Variants in IL1RAPL1 observed in about 807,000 individuals in gnomAD.
IL1RAPL1 encodes interleukin-1 receptor accessory protein-like 1.
A neutral mutation model predicts 48.4 loss-of-function variants in IL1RAPL1; 3 were observed. The observed-to-expected ratio is 0.06, with a 90% CI of 0.03 to 0.16. The LOEUF (loss-of-function observed/expected upper bound fraction) is 0.16. IL1RAPL1 is among the 10% of genes least tolerant of loss of function. The probability of loss-of-function intolerance (pLI) is 1.00; values close to 1 mark genes in which losing one functional copy is unlikely to be tolerated. For synonymous variants in IL1RAPL1, 185 were observed against 187.7 expected (o/e 0.99, Z 0.12); for missense variants, 349 against 530.6 (o/e 0.66, Z 3.36).
intron 1 of IL1RAPL1, among the ~76,000 whole-genome samples, chrX:28,615,567 C>T (rs1250282344): frequency 2.7e-5 from 3 of 110,832 alleles, no homozygotes; most frequent in Non-Finnish European, 3.8e-5. Flanking sequence ...AAGCCATCAA[C>T]AGGCCCTTGT....
intron 5 of IL1RAPL1, among the ~76,000 whole-genome samples, chrX:29,401,962 T>C (rs1986178): frequency 0.38 from 41,439 of 108,592 alleles, 6,515 homozygotes; most frequent in Middle Eastern, 0.56. Context: ...GGTGCAATCT[T>C]GGCTCACTGC....
intron 6 of IL1RAPL1, among the ~76,000 whole-genome samples, chrX:29,751,128 A>G (rs761914691): frequency 9.0e-6 from 1 of 111,555 alleles, no homozygotes; most frequent in South Asian, 3.7e-4. Flanking sequence ...ATATACACAT[A>G]TGAAATATAA....
intron 6 of IL1RAPL1, among the ~76,000 whole-genome samples, chrX:29,858,261 A>C (rs1931513200): frequency 8.9e-6 from 1 of 111,765 alleles, no homozygotes; most frequent in African/African-American, 3.2e-5. Context: ...CACACAACAC[A>C]CAATACACCG....
intron 5 of IL1RAPL1, among the ~76,000 whole-genome samples, chrX:29,506,734 G>A (rs1170750454): frequency 9.2e-6 from 1 of 108,269 alleles, no homozygotes; most frequent in African/African-American, 3.4e-5. Flanking sequence ...TTTTTGCTGA[G>A]TTACAGAGTA....
chrX:29,479,913 G>T (rs1438060851), intron 5 of IL1RAPL1, among the ~76,000 whole-genome samples: 1 of 110,627 alleles, frequency 9.0e-6, no homozygotes, highest in Non-Finnish European at 1.9e-5. Flanking sequence ...TTATTCACTC[G>T]CTGGCCCATG....
intron 5 of IL1RAPL1, among the ~76,000 whole-genome samples, chrX:29,613,188 T>C (rs1162061911): frequency 8.9e-6 from 1 of 112,484 alleles, no homozygotes; most frequent in African/African-American, 3.2e-5. Flanking sequence ...AAGAAACAGG[T>C]GAAATTAATT....
At chrX:29,807,181 TATTAA>T (rs1486210179) in intron 6 of IL1RAPL1, among the ~76,000 whole-genome samples, 3 of 110,201 alleles carry the variant, frequency 2.7e-5, no homozygotes, top group Non-Finnish European at 5.7e-5. Flanking sequence ...TAAATACATA[TATTAA>T]ATTATATATA....
chrX:29,494,809 T>C (rs1460628666), intron 5 of IL1RAPL1, among the ~76,000 whole-genome samples: 1 of 112,464 alleles, frequency 8.9e-6, no homozygotes, highest in African/African-American at 3.2e-5. Flanking sequence ...TTCATTTTGT[T>C]GATTAACTTC....
intron 6 of IL1RAPL1, among the ~76,000 whole-genome samples, chrX:29,744,075 G>A (rs1215718253): frequency 3.6e-5 from 4 of 112,085 alleles, no homozygotes; most frequent in Non-Finnish European, 5.6e-5. Context: ...TTGTTGTTCA[G>A]CATTATTGAT....
chrX:29,528,858 G>T (rs895390310), intron 5 of IL1RAPL1, among the ~76,000 whole-genome samples: 1 of 111,686 alleles, frequency 9.0e-6, no homozygotes, highest in African/African-American at 3.3e-5. Context: ...CAGGGTTTAT[G>T]TACAAAGGCA....
intron 1 of IL1RAPL1, among the ~76,000 whole-genome samples, chrX:28,786,223 G>A (rs1257652952): frequency 9.0e-6 from 1 of 111,635 alleles, no homozygotes; most frequent in Admixed American, 9.5e-5. Context: ...TCAGCACTTT[G>A]GGAGGCCAAG....
intron 2 of IL1RAPL1, among the ~76,000 whole-genome samples, chrX:29,252,211 C>T (rs1051174124): frequency 6.4e-5 from 7 of 109,574 alleles, no homozygotes; most frequent in Non-Finnish European, 1.3e-4. Context: ...CACATGTATA[C>T]ATATGTAACT....
At chrX:29,194,414 A>C (rs1930405940) in intron 2 of IL1RAPL1, among the ~76,000 whole-genome samples, 2 of 112,698 alleles carry the variant, frequency 1.8e-5, no homozygotes, top group African/African-American at 6.4e-5. Flanking sequence ...GGGCTATCTA[A>C]AGCAAATAGG....
At chrX:28,952,350 T>A (rs1924492567) in intron 2 of IL1RAPL1, among the ~76,000 whole-genome samples, 1 of 111,318 alleles carries the variant, frequency 9.0e-6, no homozygotes, top group South Asian at 3.7e-4. Flanking sequence ...GTTATGTTTA[T>A]AAATTGTAGG....
intron 2 of IL1RAPL1, among the ~76,000 whole-genome samples, chrX:29,089,672 G>C (rs1394790274): frequency 1.1e-5 from 1 of 91,671 alleles, no homozygotes; most frequent in Non-Finnish European, 2.1e-5. Context: ...AGTGTATTTT[G>C]ATTTAAGTTT....
chrX:29,187,522 A>G (rs769182300), intron 2 of IL1RAPL1, among the ~76,000 whole-genome samples: 200 of 111,619 alleles, frequency 1.8e-3, no homozygotes, highest in African/African-American at 5.6e-3. Context: ...AACCCTGAGT[A>G]TAGGGAAGGT....
chrX:29,083,748 G>T (rs771067066), intron 2 of IL1RAPL1, among the ~76,000 whole-genome samples: 2 of 111,819 alleles, frequency 1.8e-5, no homozygotes, highest in South Asian at 7.5e-4. Context: ...TAATACTAAA[G>T]AAAATAAAAA....
intron 5 of IL1RAPL1, among the ~76,000 whole-genome samples, chrX:29,445,553 T>C (rs1440201925): frequency 2.7e-5 from 3 of 112,086 alleles, no homozygotes; most frequent in African/African-American, 9.7e-5. Context: ...TTATACAATA[T>C]ACAGAAATGT....
chrX:28,645,347 C>CAA (rs35814453), intron 1 of IL1RAPL1, among the ~76,000 whole-genome samples: 2,081 of 29,003 alleles, frequency 0.072, 238 homozygotes, highest in Non-Finnish European at 0.089. Flanking sequence ...AATTCCGCCT[C>CAA]AAAAAAAAAA....
Sources: gnomAD v4.1 joint callset for allele counts (sites outside exome capture counted in the v4.1 genomes callset) on GRCh38, gnomAD v4.1.1 for gene constraint, MANE v1.5 for transcripts, NCBI Gene and HGNC (gene_info 2026-07-23, HGNC 2026-07-21) for gene names.